The following VWC2 variants were observed in gnomAD, a reference collection of about 807,000 sequenced individuals.
VWC2 encodes brorin.
In VWC2, 14 loss-of-function variants were observed where a neutral mutation model predicts 29.8. The ratio of observed to expected loss-of-function variants is 0.47; its 90% CI spans 0.31 to 0.74. The LOEUF (loss-of-function observed/expected upper bound fraction) is 0.74. Among genes scored for constraint, VWC2 ranks in the 30% least tolerant of loss-of-function variants. VWC2 has a pLI of 0.05. For missense variants in VWC2, 457 were observed against 459.8 expected (o/e 0.99, Z 0.05); for synonymous variants, 213 against 199.0 (o/e 1.07, Z -0.59).
At chr7:49,833,200 A>C (rs756872538) in intron 3 of VWC2, among the ~76,000 whole-genome samples, 10 of 152,190 alleles carry the variant, frequency 6.6e-5, no homozygotes, top group Non-Finnish European at 1.3e-4. Flanking sequence ...CACAGAGAAG[A>C]ATGTGGGTGT....
At chr7:49,877,781 T>C (rs1341914045) in intron 3 of VWC2, among the ~76,000 whole-genome samples, 1 of 151,362 alleles carries the variant, frequency 6.6e-6, no homozygotes, top group Non-Finnish European at 1.5e-5. Context: ...CATATTATTA[T>C]TGTTGTCATT....
At position 49,808,876 on chromosome 7, in the gene VWC2, T is replaced by TA. The variant is rs1788933920; in HGVS notation, c.826+6039dup. Among the ~76,000 whole-genome samples, 6 of 152,126 alleles carry TA rather than the reference T, an allele frequency of 3.9e-5. No homozygotes were observed. In the South Asian group the frequency reaches 1.2e-3, roughly 32 times the overall value. On this transcript the variant is annotated intron_variant, in intron 3 of 3. Transcript: ENST00000340652. Reference sequence around the variant, plus strand: ...TGCACTATAGATTATTGGATGATGCTAAAGCAGTATTTAGAAGGAAATGTA... The same window carrying TA: ...TGCACTATAGATTATTGGATGATGCTAAAAGCAGTATTTAGAAGGAAATGTA...
intron 2 of VWC2, among the ~76,000 whole-genome samples, chr7:49,788,414 C>T (rs559717820): frequency 2.2e-4 from 34 of 151,954 alleles, no homozygotes; most frequent in African/African-American, 7.2e-4. Context: ...GAATGCCAAA[C>T]GGGAGCACTG....
At chr7:49,864,485 C>T (rs1417303406) in intron 3 of VWC2, among the ~76,000 whole-genome samples, 3 of 152,108 alleles carry the variant, frequency 2.0e-5, no homozygotes, top group South Asian at 4.1e-4. Context: ...TTAGAATGCC[C>T]GAATATCCCA....
intron 3 of VWC2, among the ~76,000 whole-genome samples, chr7:49,892,563 G>A (rs2128731171): frequency 6.6e-6 from 1 of 152,296 alleles, no homozygotes; most frequent in African/African-American, 2.4e-5. Context: ...GGGCTTCCCA[G>A]GCCCTGGTCA....
In VWC2 at chr7:49,919,434, C is replaced by T. The variant is rs1433901504; in HGVS notation, c.*7249C>T. 6.6e-6 allele frequency: 1 copy of T among 152,110 alleles called. No homozygotes were observed. Among genetic ancestry groups the T allele is most frequent in the Non-Finnish European group, 1.5e-5 (1 of 68,026 alleles). 9.4% of individuals were successfully genotyped at this position (152,110 alleles called of 1,614,324 possible). ...AGCAAAATTTTGCCATTTTCTGATA[C>T]ATAGTAGCTAGCTAGTGATAAAATT... On this transcript the variant is annotated 3_prime_UTR_variant, in exon 4 of 4. Transcript: ENST00000340652.
intron 3 of VWC2, among the ~76,000 whole-genome samples, chr7:49,849,418 G>A (rs1790086236): frequency 6.6e-6 from 1 of 152,200 alleles, no homozygotes; most frequent in Non-Finnish European, 1.5e-5. Context: ...GGCTCCAAAA[G>A]CAATCAGCTC....
intron 3 of VWC2, among the ~76,000 whole-genome samples, chr7:49,891,411 A>G (rs910975112): frequency 3.3e-5 from 5 of 152,236 alleles, no homozygotes; most frequent in Non-Finnish European, 7.3e-5. Flanking sequence ...GTCATCACAC[A>G]TCAGACAAAG....
intron 3 of VWC2, among the ~76,000 whole-genome samples, chr7:49,877,187 C>T (rs536866533): frequency 2.2e-4 from 33 of 151,804 alleles, no homozygotes; most frequent in African/African-American, 7.2e-4. Context: ...TGGGGCCGGG[C>T]GTAATGGCTC....
chr7:49,893,649 T>TA (rs11403180), intron 3 of VWC2, among the ~76,000 whole-genome samples: 108,080 of 149,582 alleles, frequency 0.72, 39,140 homozygotes, highest in East Asian at 0.86. Context: ...TTTTTTTTTT[T>TA]ATCCTTTTGA....
At chr7:49,812,363 G>C (rs1198942207) in intron 3 of VWC2, among the ~76,000 whole-genome samples, 2 of 152,148 alleles carry the variant, frequency 1.3e-5, no homozygotes, top group Admixed American at 1.3e-4. Flanking sequence ...GATAGGCAAA[G>C]TGAAATTTTT....
rs144232984 is a variant in VWC2, at chr7:49,776,657, A to C, written c.696+526A>C. Among the ~76,000 whole-genome samples, 128 of 152,370 alleles carry C rather than the reference A, an allele frequency of 8.4e-4. 1 individual carries two copies. In the East Asian group the frequency reaches 0.021, roughly 25 times the overall value. On this transcript the variant is annotated intron_variant, in intron 2 of 3. Transcript: ENST00000340652. ...ATATTTGCTCACTGGGTGCCAAATC[A>C]TAGTGGATGGTGAAACCAACAAGTG... is the stretch of plus-strand genomic sequence containing the variant.
chr7:49,862,103 G>C (rs1161997901), intron 3 of VWC2, among the ~76,000 whole-genome samples: 1 of 152,128 alleles, frequency 6.6e-6, no homozygotes, highest in Non-Finnish European at 1.5e-5. Context: ...AGTCTTCCAA[G>C]CCATGAACAT....
rs1793837542 is a variant in VWC2 at position 49,918,435 on chromosome 7, T to C, written c.*6250T>C. The C allele has an allele frequency of 6.6e-6, 1 of 152,342 alleles. No homozygotes were observed. Among genetic ancestry groups the C allele is most frequent in the African/African-American group, 2.4e-5 (1 of 41,586 alleles). 9.4% of individuals were successfully genotyped at this position (152,342 alleles called of 1,614,324 possible). On this transcript the variant is annotated 3_prime_UTR_variant, in exon 4 of 4. Transcript: ENST00000340652. The stretch of plus-strand genomic sequence containing the variant: ...AATTCTAGAATATCAATCTTGATAC[T>C]TGTCAAAGTAAATAGTAGCTCGTCA...
intron 2 of VWC2, among the ~76,000 whole-genome samples, chr7:49,788,119 C>CT (rs1788341556): frequency 6.6e-6 from 1 of 152,210 alleles, no homozygotes; most frequent in African/African-American, 2.4e-5. Flanking sequence ...AGAAGAGATT[C>CT]AGGGCCAGTG....
intron 3 of VWC2, among the ~76,000 whole-genome samples, chr7:49,903,266 AT>A (rs1157210869): frequency 6.6e-6 from 1 of 152,208 alleles, no homozygotes; most frequent in South Asian, 2.1e-4. Context: ...CTGTGCTTTC[AT>A]TTAGGAGAAA....
chr7:49,815,662 A>ACATC (rs780165259), intron 3 of VWC2, among the ~76,000 whole-genome samples: 4 of 152,220 alleles, frequency 2.6e-5, no homozygotes, highest in Non-Finnish European at 5.9e-5. Flanking sequence ...CCTTGATGTG[A>ACATC]AAACCAATGA....
chr7:49,877,481 A>AAAAAAAATATACAT, intron 3 of VWC2, among the ~76,000 whole-genome samples: 1 of 12,722 alleles, frequency 7.9e-5, no homozygotes, highest in African/African-American at 2.8e-4. Flanking sequence ...AAAAAAAAAA[A>AAAAAAAATATACAT]ATATATATAT....
chr7:49,816,635 C>T (rs912971817), intron 3 of VWC2, among the ~76,000 whole-genome samples: 7 of 152,108 alleles, frequency 4.6e-5, no homozygotes, highest in East Asian at 3.8e-4. Flanking sequence ...ATTCACTTAC[C>T]AGATGATTTA....
Sources: gnomAD v4.1 joint callset for allele counts (sites outside exome capture counted in the v4.1 genomes callset) on GRCh38, gnomAD v4.1.1 for gene constraint, MANE v1.5 for transcripts, NCBI Gene and HGNC (gene_info 2026-07-23, HGNC 2026-07-21) for gene names.